JUP: variants seen among roughly 807,000 people sequenced by gnomAD.
The protein encoded by JUP is junction plakoglobin.
JUP carries 28 observed loss-of-function variants against 71.1 expected under a neutral mutation model. The ratio of observed to expected loss-of-function variants is 0.39; its 90% CI spans 0.29 to 0.54. The LOEUF is 0.54. JUP is among the 20% of genes least tolerant of loss of function. The pLI, the probability that JUP is intolerant of heterozygous loss-of-function variation, is 0.62. For missense variants in JUP, 869 were observed against 1,030.1 expected, an observed-to-expected ratio of 0.84 and a Z score of 2.14; for synonymous variants, 401 against 438.9, an observed-to-expected ratio of 0.91 and a Z score of 1.08.
rs1178731241 is a variant in JUP, at chr17:41,774,251, C to T, written c.-8-2389G>A. Reference sequence around the variant, plus strand: ...TGCCATGGGGGGGTGGGGGGGTGGACGCCCAGTGGCCTTTATTATTATGTG... The same window carrying T: ...TGCCATGGGGGGGTGGGGGGGTGGATGCCCAGTGGCCTTTATTATTATGTG... On this transcript the variant is annotated intron_variant, in intron 1 of 13. Transcript: ENST00000393931. 7.9e-5 allele frequency among the ~76,000 whole-genome samples: 12 copies of T among 152,246 alleles called. No homozygotes were observed. The East Asian group carries it at 1.7e-3, about 22-fold the overall frequency.
At chr17:41,769,894 G>T (rs1423362819) in intron 2 of JUP, among the ~76,000 whole-genome samples, 5 of 136,488 alleles carry the variant, frequency 3.7e-5, no homozygotes, top group African/African-American at 1.4e-4. Flanking sequence ...CACATGTTCT[G>T]TCCATCAAGG....
intron 7 of JUP, among the ~76,000 whole-genome samples, chr17:41,764,286 G>A (rs1555602953): frequency 1.3e-5 from 2 of 152,208 alleles, no homozygotes; most frequent in Non-Finnish European, 1.5e-5. Context: ...TGTAATCCCA[G>A]CACTTTGGGA....
At chr17:41,766,654 A>G (rs1915757434) in intron 5 of JUP, among the ~76,000 whole-genome samples, 1 of 152,144 alleles carries the variant, frequency 6.6e-6, no homozygotes, top group Non-Finnish European at 1.5e-5. Context: ...CAAGAGTTCG[A>G]GACCAGCCTG....
chr17:41,757,738 A>T lies in JUP; in HGVS notation c.1820T>A (p.Val607Glu), dbSNP rs1432301688. 6.2e-7 allele frequency: 1 copy of T among 1,612,448 alleles called. No homozygotes were observed. The highest frequency in any genetic ancestry group is 2.2e-5 in the East Asian group (1 of 44,866). Residue 607 changes from valine to glutamate, a missense_variant, in exon 11 of 14, where the codon GTG (valine) becomes GAG (glutamate). Transcript: ENST00000393931. ...VENIQRVAAG[V>E]LCELAQDKEA... ...CTTGTCCTGGGCCAGCTCACACAGC[A>T]CCCCGGCAGCCACGCGCTGGATGTT...
intron 7 of JUP, 94 bp from the exon 8 acceptor site, chr17:41,763,415 G>GCTGAA: frequency 1.2e-6 from 1 of 865,504 alleles, no homozygotes; most frequent in Non-Finnish European, 1.9e-6. Flanking sequence ...GACCTAAAGG[G>GCTGAA]GTCAGCCCTG....
At chr17:41,773,107 G>A (rs1177375878) in intron 1 of JUP, 14 of 541,672 alleles carry the variant, frequency 2.6e-5, no homozygotes, top group Non-Finnish European at 3.1e-5. Flanking sequence ...GGGCACCAAG[G>A]TCTGTAGTCT....
chr17:41,775,982 C>T (rs2143802662), intron 1 of JUP: 2 of 985,426 alleles, frequency 2.0e-6, no homozygotes, highest in Admixed American at 6.1e-5. Flanking sequence ...CAGAGCTACA[C>T]CAGGCTCCTT....
chr17:41,775,904 C>T (rs985937013), intron 1 of JUP: 7 of 916,732 alleles, frequency 7.6e-6, no homozygotes, highest in Non-Finnish European at 9.1e-6. Context: ...GGGCTGGCAC[C>T]GGGCACCCTA....
At position 41,759,072 on chromosome 17, in the gene JUP, C is replaced by CTTT. The variant is rs11404112; in HGVS notation, c.1498-205_1498-203dup. Reference sequence around the variant, plus strand: ...GATCTGGGAGTGCTCATGGCTAATTCTTTTTTTTTTTTTTTTTTGAGACAG... The same window carrying CTTT: ...GATCTGGGAGTGCTCATGGCTAATTCTTTTTTTTTTTTTTTTTTTTTGAGACAG... On this transcript the variant is annotated intron_variant, in intron 8 of 13. Transcript: ENST00000393931. Among the ~76,000 whole-genome samples the CTTT allele has an allele frequency of 3.1e-3, 406 of 131,078 alleles. 4 individuals carry two copies. The highest frequency in any genetic ancestry group is 0.011 in the African/African-American group (373 of 34,496). The allele number at this position is 131,078 out of a possible 152,430, so 86.0% of individuals were successfully genotyped here. A position where few individuals can be genotyped will look rare whatever the true frequency, so the allele number is the denominator to read the frequency against.
intron 1 of JUP, among the ~76,000 whole-genome samples, chr17:41,779,223 C>T (rs1555609649): frequency 1.4e-5 from 2 of 138,194 alleles, no homozygotes; most frequent in African/African-American, 2.7e-5. Context: ...GCAACAAGAG[C>T]AAAACTCCGT....
At chr17:41,770,053 G>A (rs189756666) in intron 2 of JUP, among the ~76,000 whole-genome samples, 11 of 151,956 alleles carry the variant, frequency 7.2e-5, no homozygotes, top group Non-Finnish European at 1.3e-4. Context: ...GGGCACAGAG[G>A]GGTTATAAGG....
rs916881753 is a variant in JUP, at chr17:41,776,005, C to A, written c.-8-4143G>T. 10 of 985,134 alleles carry A rather than the reference C, an allele frequency of 1.0e-5. No homozygotes were observed. The South Asian group carries it at 1.4e-4, about 14-fold the overall frequency. The allele number at this position is 985,134 out of a possible 1,614,324, so 61.0% of individuals were successfully genotyped here. On this transcript the variant is annotated intron_variant, in intron 1 of 13. Transcript: ENST00000393931. ...CACCAGGCTCCTTCCCCAGCCGGCA[C>A]CTGCCAAGGACAGTCAGCAATGGGC...
intron 1 of JUP, among the ~76,000 whole-genome samples, chr17:41,781,031 A>G (rs1333304857): frequency 6.6e-6 from 1 of 152,002 alleles, no homozygotes; most frequent in South Asian, 2.1e-4. Flanking sequence ...ACACAAAAAA[A>G]TTAGCCAGGC....
chr17:41,779,614 C>T (rs782356377), intron 1 of JUP, among the ~76,000 whole-genome samples: 1 of 152,106 alleles, frequency 6.6e-6, no homozygotes, highest in Non-Finnish European at 1.5e-5. Context: ...AGGCGTGAGC[C>T]ACCGCGGCTG....
chr17:41,759,430 C>G (rs60178070), intron 8 of JUP, among the ~76,000 whole-genome samples: 5,729 of 151,656 alleles, frequency 0.038, 359 homozygotes, highest in African/African-American at 0.13. Context: ...CCAGAACATC[C>G]TGCCAGCCCC....
chr17:41,760,721 C>T (rs1466393067), intron 8 of JUP, among the ~76,000 whole-genome samples: 1 of 152,038 alleles, frequency 6.6e-6, no homozygotes, highest in Non-Finnish European at 1.5e-5. Flanking sequence ...CCACCATGGC[C>T]AGCTAATTTT....
intron 1 of JUP, among the ~76,000 whole-genome samples, chr17:41,774,021 T>C (rs377163418): frequency 1.4e-4 from 22 of 152,108 alleles, no homozygotes; most frequent in African/African-American, 5.1e-4. Flanking sequence ...TGCCTAACCC[T>C]GGGGCTTCTC....
intron 10 of JUP, 148 bp downstream of exon 10, chr17:41,758,251 A>T: frequency 1.1e-6 from 1 of 911,914 alleles, no homozygotes; most frequent in Non-Finnish European, 1.7e-6. Flanking sequence ...GGGGGTTGCT[A>T]AGTAGTCAAT....
intron 2 of JUP, among the ~76,000 whole-genome samples, chr17:41,771,076 C>A (rs553275817): frequency 8.3e-4 from 127 of 152,224 alleles, no homozygotes; most frequent in Non-Finnish European, 1.6e-3. Context: ...GTCGCCCAGG[C>A]TGGAGTGCAG....
Sources: gnomAD v4.1 joint callset for allele counts (sites outside exome capture counted in the v4.1 genomes callset) on GRCh38, gnomAD v4.1.1 for gene constraint, MANE v1.5 for transcripts, NCBI Gene and HGNC (gene_info 2026-07-23, HGNC 2026-07-21) for gene names.